Variants in DEGS1 observed in about 807,000 individuals in gnomAD.
The protein encoded by DEGS1 is delta 4-desaturase, sphingolipid 1.
Under a neutral mutation model 24.1 loss-of-function variants are expected in DEGS1, and 17 were observed. The ratio of observed to expected loss-of-function variants is 0.70; its 90% CI spans 0.48 to 1.06. The LOEUF is 1.06. Ranked by LOEUF, DEGS1 falls within the 50% of genes least tolerant of loss-of-function variation. DEGS1 has a pLI of 0.00. For missense variants in DEGS1, 366 were observed against 408.9 expected, an observed-to-expected ratio of 0.90 and a Z score of 0.91; for synonymous variants, 134 against 140.0, an observed-to-expected ratio of 0.96 and a Z score of 0.30.
intron 2 of DEGS1, 140 bp from the exon 3 acceptor site, chr1:224,192,191 CT>C (rs1168182331): frequency 0.26 from 135,791 of 531,278 alleles, no homozygotes; most frequent in South Asian, 0.3. Flanking sequence ...GCTGCTGCTG[CT>C]TTTTTTTTTT....
chr1:224,189,205 A>AC (rs1658470935), intron 1 of DEGS1, among the ~76,000 whole-genome samples: 1 of 152,304 alleles, frequency 6.6e-6, no homozygotes, highest in South Asian at 2.1e-4. Context: ...ATTTTAGGGT[A>AC]ACTACAAAAT....
At chr1:224,184,500 GTTTTTTGT>G (rs1260819520) in intron 1 of DEGS1, among the ~76,000 whole-genome samples, 105 of 147,198 alleles carry the variant, frequency 7.1e-4, no homozygotes, top group Admixed American at 5.3e-3. Flanking sequence ...GCACGTGTTT[GTTTTTTGT>G]TTGTTTGTTT....
intron 2 of DEGS1, 43 bp downstream of exon 2, chr1:224,190,362 T>C: frequency 1.4e-6 from 2 of 1,441,020 alleles, no homozygotes; most frequent in South Asian, 1.7e-5. Context: ...TGTTTTTTCA[T>C]TTGTTTGTTT....
rs1658470669 is a variant in DEGS1 at position 224,189,182 on chromosome 1, TACCAGTTTCATGATTTTAGGGTAACTAC to T, written c.83-393_83-366del. On this transcript the variant is annotated intron_variant, in intron 1 of 2. Transcript: ENST00000323699. ...TTGATTTGTCTGAGAAAACTGTGAATACCAGTTTCATGATTTTAGGGTAACTACAAAATGTATATTATATTCTATCCTT... is the reference window on the plus strand; with the variant it reads ...TTGATTTGTCTGAGAAAACTGTGAATAAAATGTATATTATATTCTATCCTT... Among the ~76,000 whole-genome samples, 5 of 152,222 alleles carry T rather than the reference TACCAGTTTCATGATTTTAGGGTAACTAC, an allele frequency of 3.3e-5. No homozygotes were observed. In the South Asian group the frequency reaches 1.0e-3, roughly 31 times the overall value.
At chr1:224,183,675 A>C (rs1658298923) in intron 1 of DEGS1, 1 of 306,896 alleles carries the variant, frequency 3.3e-6, no homozygotes, top group Admixed American at 5.1e-5. Context: ...CGCGTCCCCG[A>C]GCGCGGGAGT....
chr1:224,183,312 T>C lies in DEGS1; in HGVS notation c.-25T>C. On this transcript the variant is annotated 5_prime_UTR_variant, in exon 1 of 3. Transcript: ENST00000323699. ...CCGGCTGGGAGCGAGAGCCGACAGC[T>C]AGTCTGCAAGCCACCGCTGTCGCCA... is the stretch of plus-strand genomic sequence containing the variant. 1 of 1,477,122 alleles carries C rather than the reference T, an allele frequency of 6.8e-7. No homozygotes were observed. The highest frequency in any genetic ancestry group is 9.0e-7 in the Non-Finnish European group (1 of 1,111,708). The allele number at this position is 1,477,122 out of a possible 1,614,324, so 91.5% of individuals were successfully genotyped here.
In DEGS1 at chr1:224,190,011, C is replaced by A. The variant is rs932183417; in HGVS notation, c.517C>A (p.Arg173=). The change falls in exon 2 of 3, where the codon CGA becomes AGA. Residue 173 remains arginine (R), a synonymous_variant. Coordinates refer to ENST00000323699, the MANE Select transcript of DEGS1 (RefSeq NM_003676.4). ...VILQPLFYAF[R]PLFINPKPIT... Reference sequence around the variant, plus strand: ...TCTTCAGCCTCTCTTTTATGCCTTTCGACCTCTGTTCATCAACCCCAAACC... The same window carrying A: ...TCTTCAGCCTCTCTTTTATGCCTTTAGACCTCTGTTCATCAACCCCAAACC... 1.2e-6 allele frequency: 2 copies of A among 1,614,178 alleles called. No individual in the cohort carries two copies. Among genetic ancestry groups the A allele is most frequent in the Non-Finnish European group, 8.5e-7 (1 of 1,180,028 alleles).
Position 224,186,691 on chromosome 1 carries a change from C to T in DEGS1, c.83-2886C>T, listed in dbSNP as rs573608921. 1.9e-4 allele frequency among the ~76,000 whole-genome samples: 24 copies of T among 125,682 alleles called. No homozygotes were observed. The East Asian group carries it at 4.9e-3, about 26-fold the overall frequency. The allele number at this position is 125,682 out of a possible 152,430, so 82.5% of individuals were successfully genotyped here. On this transcript the variant is annotated intron_variant, in intron 1 of 2. Coordinates refer to ENST00000323699, the MANE Select transcript of DEGS1 (RefSeq NM_003676.4). ...TGGTGCCACTGCACTCCAGCCTGGGCGACAGAGTGAGCCTCCGTCTCAAAA... is the reference window on the plus strand; with the variant it reads ...TGGTGCCACTGCACTCCAGCCTGGGTGACAGAGTGAGCCTCCGTCTCAAAA...
intron 1 of DEGS1, among the ~76,000 whole-genome samples, chr1:224,186,402 C>T (rs538185453): frequency 3.3e-5 from 5 of 152,026 alleles, no homozygotes; most frequent in Non-Finnish European, 7.4e-5. Context: ...AACCATTTCA[C>T]TGGGAAAGTA....
Position 224,189,913 on chromosome 1 carries a change from T to G in DEGS1, c.419T>G (p.Val140Gly). 6.2e-7 allele frequency: 1 copy of G among 1,614,216 alleles called. No individual in the cohort carries two copies. Residue 140 changes from valine to glycine, a missense_variant, in exon 2 of 3, where the codon GTC becomes GGC. Transcript: ENST00000323699. ...DHHRYLGADG[V>G]DVDIPTDFEG... is the part of the protein sequence containing the mutation. ...CATCGGTACCTTGGAGCTGATGGCG[T>G]CGATGTAGATATTCCTACCGATTTT...
chr1:224,190,366 T>G (rs1658507068), intron 2 of DEGS1, 47 bp downstream of exon 2: 1 of 1,439,972 alleles, frequency 6.9e-7, no homozygotes, highest in Non-Finnish European at 9.1e-7. Context: ...TTTTCATTTG[T>G]TTGTTTTTTG....
rs142379689 is a variant in DEGS1, at chr1:224,192,380, T to A, written c.874T>A (p.Ser292Thr). ...EYYDNLPHYN[S>T]WIKVLYDFVM... The stretch of plus-strand genomic sequence containing the variant: ...CTATGACAACCTCCCTCACTACAAT[T>A]CCTGGATAAAAGTACTGTATGATTT... The change falls in exon 3 of 3, where the codon TCC becomes ACC. Residue 292 changes from serine to threonine, a missense_variant. Physicochemically the swap from Ser to Thr is moderately conservative, Grantham distance 58 (BLOSUM62 1). Transcript: ENST00000323699. The A allele has an allele frequency of 2.5e-5, 41 of 1,613,606 alleles. No homozygotes were observed. Among genetic ancestry groups the A allele is most frequent in the Non-Finnish European group, 2.7e-5 (32 of 1,179,844 alleles).
intron 2 of DEGS1, among the ~76,000 whole-genome samples, chr1:224,190,781 G>T (rs887673772): frequency 3.9e-5 from 6 of 151,906 alleles, no homozygotes; most frequent in African/African-American, 1.5e-4. Context: ...AGTCTAGAGT[G>T]CAGTGGTACG....
chr1:224,188,688 A>G (rs562888010), intron 1 of DEGS1, among the ~76,000 whole-genome samples: 2 of 152,086 alleles, frequency 1.3e-5, no homozygotes, highest in African/African-American at 2.4e-5. Flanking sequence ...TTTTAATTGG[A>G]TTATTAGTTG....
Position 224,188,833 on chromosome 1 carries a change from G to A in DEGS1, c.83-744G>A, listed in dbSNP as rs954135068. ...CAACAGAAAGTTTTTGATGCTGTCCGATTTCTCTGTTTTCTTTTGTCACTT... is the reference window on the plus strand; with the variant it reads ...CAACAGAAAGTTTTTGATGCTGTCCAATTTCTCTGTTTTCTTTTGTCACTT... On this transcript the variant is annotated intron_variant, in intron 1 of 2. Coordinates refer to ENST00000323699, the MANE Select transcript of DEGS1 (RefSeq NM_003676.4). 1.1e-4 allele frequency among the ~76,000 whole-genome samples: 17 copies of A among 152,132 alleles called. 1 individual carries two copies. Among genetic ancestry groups the A allele is most frequent in the African/African-American group, 2.9e-4 (12 of 41,502 alleles).
At position 224,184,503 on chromosome 1, in the gene DEGS1, TTTTGTTTG is replaced by T. The variant is rs533615199; in HGVS notation, c.82+1101_82+1108del. Among the ~76,000 whole-genome samples the T allele has an allele frequency of 1.1e-4, 9 of 84,120 alleles. No homozygotes were observed. The South Asian group carries it at 2.6e-3, about 24-fold the overall frequency. The allele number at this position is 84,120 out of a possible 152,430, so 55.2% of individuals were successfully genotyped here. A position where few individuals can be genotyped will look rare whatever the true frequency, so the allele number is the denominator to read the frequency against. On this transcript the variant is annotated intron_variant, in intron 1 of 2. Coordinates refer to ENST00000323699, the MANE Select transcript of DEGS1 (RefSeq NM_003676.4). Reference sequence around the variant, plus strand: ...TTTTTTGAGACTGCACGTGTTTGTTTTTTGTTTGTTTGTTTGTTTGTTTTTTGAGACTG... The same window carrying T: ...TTTTTTGAGACTGCACGTGTTTGTTTTTTGTTTGTTTGTTTTTTGAGACTG...
chr1:224,188,333 A>C (rs1658447466), intron 1 of DEGS1, among the ~76,000 whole-genome samples: 1 of 152,188 alleles, frequency 6.6e-6, no homozygotes, highest in Non-Finnish European at 1.5e-5. Flanking sequence ...TTTAAGGTTC[A>C]TTCATGTTAT....
intron 1 of DEGS1, among the ~76,000 whole-genome samples, chr1:224,184,581 C>A (rs958004583): frequency 1.2e-4 from 18 of 151,964 alleles, no homozygotes; most frequent in African/African-American, 4.3e-4. Flanking sequence ...GCGCGATCTC[C>A]ACTCGCTGCA....
chr1:224,183,290 G>T lies in DEGS1; in HGVS notation c.-47G>T. 2.7e-6 allele frequency: 4 copies of T among 1,456,840 alleles called. No homozygotes were observed. The highest frequency in any genetic ancestry group is 9.1e-7 in the Non-Finnish European group (1 of 1,098,534). The allele number at this position is 1,456,840 out of a possible 1,614,324, so 90.2% of individuals were successfully genotyped here. A position where few individuals can be genotyped will look rare whatever the true frequency, so the allele number is the denominator to read the frequency against. ...CGCCGCCGCCACCTCTGAGCAGCCG[G>T]CTGGGAGCGAGAGCCGACAGCTAGT... On this transcript the variant is annotated 5_prime_UTR_variant, in exon 1 of 3. Coordinates refer to ENST00000323699, the MANE Select transcript of DEGS1 (RefSeq NM_003676.4).
Sources: allele counts gnomAD v4.1 joint callset (sites outside exome capture counted in the v4.1 genomes callset), GRCh38; gene constraint gnomAD v4.1.1; transcripts MANE v1.5; gene names NCBI Gene and HGNC (gene_info 2026-07-23, HGNC 2026-07-21).